CD207: variants seen among roughly 807,000 people sequenced by gnomAD.
CD207 encodes CD207 molecule.
CD207 carries 28 observed loss-of-function variants against 31.6 expected under a neutral mutation model. That is an observed-to-expected ratio of 0.89 (90% CI 0.66 to 1.21). The LOEUF is 1.21. Ranked by LOEUF, CD207 falls within the 50% of genes most tolerant of loss-of-function variation. The probability of loss-of-function intolerance (pLI) is 0.00; values close to 1 mark genes in which losing one functional copy is unlikely to be tolerated. For synonymous variants in CD207, 168 were observed against 153.9 expected (o/e 1.09, Z -0.68); for missense variants, 388 against 397.8 (o/e 0.98, Z 0.21).
In CD207 at chr2:70,833,973, A is replaced by G. The variant is rs1677543757; in HGVS notation, c.238T>C (p.Leu80=). ...TISDVKTNVQ[L]LKGRVDNIST... is the part of the protein sequence containing the mutation. ...ATGTTGTCCACACGACCTTTCAGCA[A>G]CTGGACATTGGTCTTTACATCTGAT... The change falls in exon 3 of 6, where the codon TTG becomes CTG. Residue 80 remains leucine (L), a synonymous_variant. Coordinates refer to ENST00000410009, the MANE Select transcript of CD207 (RefSeq NM_015717.5). 6.5e-7 allele frequency: 1 copy of G among 1,536,068 alleles called. No individual in the cohort carries two copies. Among genetic ancestry groups the G allele is most frequent in the Non-Finnish European group, 8.7e-7 (1 of 1,142,992 alleles).
At position 70,833,756 on chromosome 2, in the gene CD207, G is replaced by C; in HGVS notation, c.455C>G (p.Ala152Gly). The change falls in exon 3 of 6, where the codon GCC becomes GGC. Residue 152 changes from alanine (A) to glycine (G), a missense_variant. Physicochemically the swap from Ala to Gly is moderately conservative, Grantham distance 60. Coordinates refer to ENST00000410009, the MANE Select transcript of CD207 (RefSeq NM_015717.5). Reference sequence around the variant, plus strand: ...ATCACTTTTTAACTCTGGGATTTGGGCATTTAAGGTACTGACTTCTTCCCA... The same window carrying C: ...ATCACTTTTTAACTCTGGGATTTGGCCATTTAAGGTACTGACTTCTTCCCA... ...RSWEEVSTLN[A>G]QIPELKSDLE... 1 of 1,613,982 alleles carries C rather than the reference G, an allele frequency of 6.2e-7. No homozygotes were observed. The highest frequency in any genetic ancestry group is 1.1e-5 in the South Asian group (1 of 91,078).
chr2:70,827,682 C>T (rs1347102384), downstream of CD207, among the ~76,000 whole-genome samples: 3 of 151,956 alleles, frequency 2.0e-5, no homozygotes, highest in East Asian at 5.8e-4. Flanking sequence ...GGCTTATCTT[C>T]CAAAGCACTG....
chr2:70,829,592 G>T (rs1275035120), downstream of CD207, among the ~76,000 whole-genome samples: 4 of 152,198 alleles, frequency 2.6e-5, no homozygotes, highest in African/African-American at 9.6e-5. Context: ...CCGAGGGCAA[G>T]GATATATCTG....
chr2:70,834,102 G>A, intron 2 of CD207, 82 bp from the exon 3 acceptor site: 3 of 1,306,818 alleles, frequency 2.3e-6, no homozygotes, highest in Admixed American at 3.0e-5. Flanking sequence ...ATCAAAGGAA[G>A]GGAAGGAATA....
chr2:70,832,781 C>T, intron 4 of CD207, 119 bp downstream of exon 4: 1 of 1,024,900 alleles, frequency 9.8e-7, no homozygotes, highest in Non-Finnish European at 1.4e-6. Flanking sequence ...GAGAACCAAT[C>T]CTTCTTCATT....
chr2:70,831,298 C>CCTA, intron 5 of CD207, 98 bp from the exon 6 acceptor site: 1 of 1,230,560 alleles, frequency 8.1e-7, no homozygotes. Flanking sequence ...AAGCTTTTGT[C>CCTA]CTAGGGAATG....
At chr2:70,829,010 G>A (rs549444937), downstream of CD207, among the ~76,000 whole-genome samples, 1 of 152,314 alleles carries the variant, frequency 6.6e-6, no homozygotes, top group Non-Finnish European at 1.5e-5. Context: ...CTCATTGCTA[G>A]TTTCTTCCAA....
chr2:70,835,186 G>C (rs1449055726), intron 2 of CD207, among the ~76,000 whole-genome samples: 1 of 152,176 alleles, frequency 6.6e-6, no homozygotes, highest in African/African-American at 2.4e-5. Context: ...GGGGTGGACG[G>C]GGAGAAAATA....
the CD207 span, among the ~76,000 whole-genome samples, chr2:70,824,307 G>A: frequency 7.0e-5 from 8 of 114,672 alleles, no homozygotes; most frequent in African/African-American, 1.5e-4. Context: ...TATTCCGTTC[G>A]TCTCCTAACT....
rs144308407 is a variant in CD207, at chr2:70,834,532, T to A, written c.191-512A>T. Among the ~76,000 whole-genome samples the A allele has an allele frequency of 9.0e-3, 1,364 of 152,266 alleles. 24 individuals are homozygous for A. Among genetic ancestry groups the A allele is most frequent in the African/African-American group, 0.031 (1,278 of 41,548 alleles). The stretch of plus-strand genomic sequence containing the variant: ...CCATGGGAAGAACCAGCCACTAATC[T>A]GGAAGTGGCTTCTCCAGAGAACATG... On this transcript the variant is annotated intron_variant, in intron 2 of 5. Coordinates refer to ENST00000410009, the MANE Select transcript of CD207 (RefSeq NM_015717.5).
chr2:70,831,909 G>T, intron 4 of CD207, 90 bp from the exon 5 acceptor site: 2 of 843,232 alleles, frequency 2.4e-6, no homozygotes, highest in Non-Finnish European at 2.0e-6. Flanking sequence ...CTCAGTGACA[G>T]CCCTGACCCA....
chr2:70,834,165 C>T, intron 2 of CD207, 145 bp from the exon 3 acceptor site: 1 of 626,082 alleles, frequency 1.6e-6, no homozygotes, highest in Non-Finnish European at 2.4e-6. Flanking sequence ...CCCAACCCTC[C>T]AATCATTCAT....
At position 70,833,015 on chromosome 2, in the gene CD207, T is replaced by G. The variant is rs782104857; in HGVS notation, c.602A>C (p.Tyr201Ser). ...AAAGTAATAGAAGTTCCCCTTGAAG[T>G]ACTTCCAGCCTTGAGAAACCACCTG... ...ILQVVSQGWK[Y>S]FKGNFYYFSL... The change falls in exon 4 of 6, where the codon TAC becomes TCC. Residue 201 changes from tyrosine (Y) to serine (S), a missense_variant. Coordinates refer to ENST00000410009, the MANE Select transcript of CD207 (RefSeq NM_015717.5). 6.8e-6 allele frequency: 11 copies of G among 1,613,798 alleles called. No homozygotes were observed. Among genetic ancestry groups the G allele is most frequent in the Non-Finnish European group, 9.3e-6 (11 of 1,179,812 alleles).
the CD207 span, among the ~76,000 whole-genome samples, chr2:70,824,809 T>C: frequency 6.6e-6 from 1 of 152,212 alleles, no homozygotes; most frequent in Non-Finnish European, 1.5e-5. Context: ...CTGACATAAA[T>C]GAATGTCTGA....
In CD207 at chr2:70,832,881, C is replaced by A; in HGVS notation, c.717+19G>T. 6.2e-7 allele frequency: 1 copy of A among 1,607,134 alleles called. No homozygotes were observed. The highest frequency in any genetic ancestry group is 8.5e-7 in the Non-Finnish European group (1 of 1,175,738). On this transcript the variant is annotated intron_variant, in intron 4 of 5. Transcript: ENST00000410009. ...TGCTCATACGCCCCCTTCACAGAGCCCATAGGCACAGCACTCACCTGCTCA... is the reference window on the plus strand; with the variant it reads ...TGCTCATACGCCCCCTTCACAGAGCACATAGGCACAGCACTCACCTGCTCA...
intron 3 of CD207, 104 bp downstream of exon 3, chr2:70,833,542 C>G: frequency 7.5e-7 from 1 of 1,334,674 alleles, no homozygotes; most frequent in Non-Finnish European, 1.0e-6. Flanking sequence ...CTCTTTTGCC[C>G]CCACTCTCCT....
the CD207 span, among the ~76,000 whole-genome samples, chr2:70,825,032 C>T: frequency 0.6 from 91,717 of 151,830 alleles, 28,184 homozygotes; most frequent in Middle Eastern, 0.7. Flanking sequence ...GCCTGGAGAT[C>T]AAGGTCAACG....
downstream of CD207, among the ~76,000 whole-genome samples, chr2:70,826,910 G>A (rs1677358922): frequency 6.6e-6 from 1 of 152,108 alleles, no homozygotes. Flanking sequence ...TCAACACTAA[G>A]TAAAAAACAG....
chr2:70,834,710 A>G (rs1200093765), intron 2 of CD207, among the ~76,000 whole-genome samples: 1 of 152,180 alleles, frequency 6.6e-6, no homozygotes, highest in Non-Finnish European at 1.5e-5. Context: ...GTTAGAGGCC[A>G]GGGGTCTAGG....
Sources: allele counts gnomAD v4.1 joint callset (sites outside exome capture counted in the v4.1 genomes callset), GRCh38; gene constraint gnomAD v4.1.1; transcripts MANE v1.5; gene names NCBI Gene and HGNC (gene_info 2026-07-23, HGNC 2026-07-21).